The following GSK3B variants were observed in gnomAD, a reference collection of about 807,000 sequenced individuals.
GSK3B encodes glycogen synthase kinase 3 beta, also known as glycogen synthase kinase-3 beta.
A neutral mutation model predicts 56.4 loss-of-function variants in GSK3B; 15 were observed. The observed-to-expected ratio is 0.27, with a 90% CI of 0.18 to 0.41. GSK3B has a LOEUF of 0.41. Ranked by LOEUF, GSK3B falls within the 10% of genes least tolerant of loss-of-function variation. The pLI is 1.00. For synonymous variants in GSK3B, 181 were observed against 188.9 expected, an observed-to-expected ratio of 0.96 and a Z score of 0.34; for missense variants, 300 against 513.4, an observed-to-expected ratio of 0.58 and a Z score of 4.02.
At chr3:119,866,647 T>C in intron 8 of GSK3B, 1 of 1,567,764 alleles carries the variant, frequency 6.4e-7, no homozygotes, top group Non-Finnish European at 8.8e-7. Context: ...GATAATGCAG[T>C]GAAATAATCC....
chr3:119,900,685 C>CAATGCTGTATCACTTTACCTT (rs1367090520), intron 7 of GSK3B, among the ~76,000 whole-genome samples: 1 of 152,052 alleles, frequency 6.6e-6, no homozygotes, highest in Admixed American at 6.6e-5. Flanking sequence ...TTTTGAAACA[C>CAATGCTGTATCACTTTACCTT]AATGCTGTAT....
Position 119,822,432 on chromosome 3 carries a change from A to T in GSK3B, c.*4356T>A, listed in dbSNP as rs1032746707. 1.8e-5 allele frequency: 4 copies of T among 220,384 alleles called. No homozygotes were observed. Among genetic ancestry groups the T allele is most frequent in the Admixed American group, 1.2e-4 (2 of 17,306 alleles). The allele number at this position is 220,384 out of a possible 1,614,324, so 13.7% of individuals were successfully genotyped here. Reference sequence around the variant, plus strand: ...TATCTGCCTGTAGACAGATATAGTTAAGGAAAAAAAAACTTAAAAATTAAC... The same window carrying T: ...TATCTGCCTGTAGACAGATATAGTTTAGGAAAAAAAAACTTAAAAATTAAC... On this transcript the variant is annotated 3_prime_UTR_variant, in exon 11 of 11. Transcript: ENST00000264235.
chr3:119,930,356 A>G (rs2056934076), intron 3 of GSK3B, among the ~76,000 whole-genome samples: 1 of 152,164 alleles, frequency 6.6e-6, no homozygotes, highest in African/African-American at 2.4e-5. Flanking sequence ...ATAAGGGGCA[A>G]CAGTTGGTAA....
At chr3:120,050,519 G>T (rs1342644692) in intron 1 of GSK3B, among the ~76,000 whole-genome samples, 1 of 152,204 alleles carries the variant, frequency 6.6e-6, no homozygotes, top group Non-Finnish European at 1.5e-5. Flanking sequence ...AAGATATTTA[G>T]GGGGTAGACT....
chr3:119,905,583 C>A (rs1409908420), intron 7 of GSK3B, among the ~76,000 whole-genome samples, 172 bp downstream of exon 7: 3 of 152,032 alleles, frequency 2.0e-5, no homozygotes, highest in African/African-American at 7.2e-5. Flanking sequence ...CAAATAAAAA[C>A]CAAAAGGCTG....
intron 1 of GSK3B, among the ~76,000 whole-genome samples, chr3:120,061,124 G>A (rs771621510): frequency 5.9e-5 from 9 of 152,166 alleles, no homozygotes; most frequent in Non-Finnish European, 1.2e-4. Context: ...CTGACCAAGC[G>A]TTGCTTAGAA....
chr3:119,886,263 T>G (rs1437561977), intron 7 of GSK3B, among the ~76,000 whole-genome samples: 1 of 152,058 alleles, frequency 6.6e-6, no homozygotes, highest in African/African-American at 2.4e-5. Flanking sequence ...AAAGAAGAGA[T>G]GTAAGTGGCC....
At chr3:119,963,283 A>G (rs1426834736) in intron 2 of GSK3B, among the ~76,000 whole-genome samples, 1 of 152,204 alleles carries the variant, frequency 6.6e-6, no homozygotes, top group East Asian at 1.9e-4. Context: ...CCATCTATAG[A>G]TTCAGCACAA....
At chr3:119,955,413 A>G (rs2057203948) in intron 2 of GSK3B, among the ~76,000 whole-genome samples, 1 of 152,168 alleles carries the variant, frequency 6.6e-6, no homozygotes, top group Non-Finnish European at 1.5e-5. Context: ...GAATACAAAA[A>G]TTTACAATCT....
At position 120,017,296 on chromosome 3, in the gene GSK3B, G is replaced by A. The variant is rs553014476; in HGVS notation, c.89-15057C>T. On this transcript the variant is annotated intron_variant, in intron 1 of 10. Transcript: ENST00000264235. ...GTCACATTCTAGAAACATCAACCTT[G>A]AGCAGCCAGAAGAAAGCCAGAAAAT... Among the ~76,000 whole-genome samples, 8 of 152,234 alleles carry A rather than the reference G, an allele frequency of 5.3e-5. No homozygotes were observed. The South Asian group carries it at 1.2e-3, about 24-fold the overall frequency.
intron 5 of GSK3B, among the ~76,000 whole-genome samples, chr3:119,915,722 G>A (rs1199245138): frequency 6.6e-6 from 1 of 151,992 alleles, no homozygotes; most frequent in African/African-American, 2.4e-5. Flanking sequence ...TACTCTGCAT[G>A]TACCGTAATT....
rs184630533 is a variant in GSK3B at position 119,919,896 on chromosome 3, T to A, written c.477+3477A>T. On this transcript the variant is annotated intron_variant, in intron 4 of 10. Transcript: ENST00000264235. ...AATATGGACTGATCTCTAGGACATATTTTTAACTGAAAAAAAAGAGAAAAA... is the reference window on the plus strand; with the variant it reads ...AATATGGACTGATCTCTAGGACATAATTTTAACTGAAAAAAAAGAGAAAAA... Among the ~76,000 whole-genome samples the A allele has an allele frequency of 2.5e-4, 38 of 151,752 alleles. No homozygotes were observed. The East Asian group carries it at 6.8e-3, about 27-fold the overall frequency.
At chr3:119,952,657 GA>G (rs2057169822) in intron 2 of GSK3B, among the ~76,000 whole-genome samples, 1 of 147,540 alleles carries the variant, frequency 6.8e-6, no homozygotes. Context: ...ACATACATGG[GA>G]AAAACAATAC....
At chr3:120,006,994 A>G (rs1163012093) in intron 1 of GSK3B, among the ~76,000 whole-genome samples, 1 of 152,190 alleles carries the variant, frequency 6.6e-6, no homozygotes, top group Non-Finnish European at 1.5e-5. Context: ...GATTTTTTGA[A>G]AGATCAACAA....
At position 120,063,954 on chromosome 3, in the gene GSK3B, T is replaced by A. The variant is rs145174301; in HGVS notation, c.88+29393A>T. Among the ~76,000 whole-genome samples the A allele has an allele frequency of 5.3e-5, 8 of 152,058 alleles. No homozygotes were observed. The East Asian group carries it at 1.4e-3, about 26-fold the overall frequency. On this transcript the variant is annotated intron_variant, in intron 1 of 10. Transcript: ENST00000264235. Reference sequence around the variant, plus strand: ...GTGAGCCGATATTGTGCCACTGCACTCCAGCCTGGGCAACAGAGTGAGACT... The same window carrying A: ...GTGAGCCGATATTGTGCCACTGCACACCAGCCTGGGCAACAGAGTGAGACT...
At chr3:120,000,153 A>C (rs1038076231) in intron 2 of GSK3B, among the ~76,000 whole-genome samples, 1 of 152,220 alleles carries the variant, frequency 6.6e-6, no homozygotes, top group African/African-American at 2.4e-5. Context: ...AAAAAAGAAA[A>C]TCAAGTTAAA....
At chr3:119,951,985 T>C (rs574362872) in intron 2 of GSK3B, among the ~76,000 whole-genome samples, 1 of 129,746 alleles carries the variant, frequency 7.7e-6, no homozygotes, top group South Asian at 2.4e-4. Flanking sequence ...CTTGAAGAAA[T>C]AGAGATTGTC....
At chr3:120,047,020 C>T (rs1170355771) in intron 1 of GSK3B, among the ~76,000 whole-genome samples, 2 of 152,270 alleles carry the variant, frequency 1.3e-5, no homozygotes, top group South Asian at 4.1e-4. Context: ...AATCAGAATA[C>T]TAGAGTCACT....
At chr3:119,947,457 T>C in intron 2 of GSK3B, 106 bp from the exon 3 acceptor site, 1 of 709,708 alleles carries the variant, frequency 1.4e-6, no homozygotes, top group South Asian at 1.7e-5. Flanking sequence ...TAGCAAGCTA[T>C]AGATATGCTA....
Sources: allele counts gnomAD v4.1 joint callset (sites outside exome capture counted in the v4.1 genomes callset), GRCh38; gene constraint gnomAD v4.1.1; transcripts MANE v1.5; gene names NCBI Gene and HGNC (gene_info 2026-07-23, HGNC 2026-07-21).